ITGA9: variants seen among roughly 807,000 people sequenced by gnomAD.
ITGA9 encodes the protein integrin alpha-9.
In ITGA9, 56 loss-of-function variants were observed where a neutral mutation model predicts 127.8. The ratio of observed to expected loss-of-function variants is 0.44; its 90% confidence interval spans 0.35 to 0.55. The LOEUF (loss-of-function observed/expected upper bound fraction) is 0.55, where lower values mean the gene tolerates loss of function less well. Ranked by LOEUF, ITGA9 falls within the 20% of genes least tolerant of loss-of-function variation. The pLI, the probability that ITGA9 is intolerant of heterozygous loss-of-function variation, is 0.00. For missense variants in ITGA9, 1,196 were observed against 1,347.1 expected (o/e 0.89, Z 1.76); for synonymous variants, 508 against 514.5 (o/e 0.99, Z 0.17).
intron 26 of ITGA9, among the ~76,000 whole-genome samples, chr3:37,791,786 A>G (rs1192119774): frequency 2.0e-5 from 3 of 152,136 alleles, no homozygotes; most frequent in African/African-American, 7.2e-5. Flanking sequence ...CAAAGATGCA[A>G]GCCTGGTATC....
At chr3:37,565,654 A>G (rs1390680551) in intron 15 of ITGA9, among the ~76,000 whole-genome samples, 2 of 152,230 alleles carry the variant, frequency 1.3e-5, no homozygotes. Flanking sequence ...ACTTAATGCC[A>G]TAGAACTGGA....
chr3:37,560,984 G>A (rs940155257), intron 15 of ITGA9, among the ~76,000 whole-genome samples: 24 of 152,036 alleles, frequency 1.6e-4, no homozygotes, highest in African/African-American at 5.3e-4. Context: ...ATATCTCTGG[G>A]GTTTCTGTGT....
chr3:37,535,436 G>A lies in ITGA9; in HGVS notation c.1528+1968G>A, dbSNP rs79307170. Among the ~76,000 whole-genome samples, 654 of 152,264 alleles carry A rather than the reference G, an allele frequency of 4.3e-3. 8 individuals carry two copies. Among genetic ancestry groups the A allele is most frequent in the African/African-American group, 0.015 (629 of 41,534 alleles). On this transcript the variant is annotated intron_variant, in intron 14 of 27. Transcript: ENST00000264741. ...GTGGGTGCCTCCTCATGCTGTTCCC[G>A]ACCAGTGGCTCTTTCTGGGGCCCCA...
chr3:37,615,620 A>G (rs1396305263), intron 15 of ITGA9, among the ~76,000 whole-genome samples: 1 of 152,222 alleles, frequency 6.6e-6, no homozygotes, highest in Non-Finnish European at 1.5e-5. Flanking sequence ...TTGGTAAGCT[A>G]TTAATTGTTG....
chr3:37,820,840 T>C lies in ITGA9; in HGVS notation c.*1851T>C, dbSNP rs375423048. On this transcript the variant is annotated 3_prime_UTR_variant, in exon 28 of 28. Coordinates refer to ENST00000264741, the MANE Select transcript of ITGA9 (RefSeq NM_002207.3). ...AACAATCTATAAAACCAAGGGTCTTTCTTATAGCACCTTTTTTACTGGAAG... is the reference window on the plus strand; with the variant it reads ...AACAATCTATAAAACCAAGGGTCTTCCTTATAGCACCTTTTTTACTGGAAG... The C allele has an allele frequency of 1.1e-4, 16 of 152,326 alleles. No homozygotes were observed. Among genetic ancestry groups the C allele is most frequent in the Admixed American group, 8.5e-4 (13 of 15,310 alleles). The allele number at this position is 152,326 out of a possible 1,614,324, so 9.4% of individuals were successfully genotyped here. A position where few individuals can be genotyped will look rare whatever the true frequency, so the allele number is the denominator to read the frequency against.
intron 18 of ITGA9, among the ~76,000 whole-genome samples, chr3:37,710,200 A>G (rs926175813): frequency 5.9e-5 from 9 of 152,188 alleles, no homozygotes; most frequent in African/African-American, 2.2e-4. Context: ...TGTTATTCCC[A>G]TCTTACAGGG....
chr3:37,565,030 T>C (rs1333813990), intron 15 of ITGA9, among the ~76,000 whole-genome samples: 1 of 152,190 alleles, frequency 6.6e-6, no homozygotes, highest in East Asian at 1.9e-4. Flanking sequence ...GGCTCTCCTG[T>C]AGTGAGGGAG....
At chr3:37,475,569 G>C (rs907328238) in intron 3 of ITGA9, among the ~76,000 whole-genome samples, 1 of 152,228 alleles carries the variant, frequency 6.6e-6, no homozygotes, top group Admixed American at 6.5e-5. Context: ...GCCATGGATA[G>C]TCCTGTCTAA....
chr3:37,755,609 C>T (rs1696643596), intron 23 of ITGA9, among the ~76,000 whole-genome samples: 1 of 151,956 alleles, frequency 6.6e-6, no homozygotes, highest in African/African-American at 2.4e-5. Context: ...CAATATAAGC[C>T]ATAGAGTAGA....
chr3:37,515,764 G>T (rs542227369), intron 9 of ITGA9, among the ~76,000 whole-genome samples: 1 of 152,128 alleles, frequency 6.6e-6, no homozygotes, highest in African/African-American at 2.4e-5. Context: ...AACAAGCAAG[G>T]TGCAGTGGTG....
At chr3:37,804,924 C>T (rs1697278042) in intron 27 of ITGA9, among the ~76,000 whole-genome samples, 1 of 152,178 alleles carries the variant, frequency 6.6e-6, no homozygotes, top group African/African-American at 2.4e-5. Context: ...CTCATTTTGA[C>T]CTTTTTCTCT....
At chr3:37,758,129 C>T (rs1159510465) in intron 23 of ITGA9, among the ~76,000 whole-genome samples, 2 of 150,440 alleles carry the variant, frequency 1.3e-5, no homozygotes, top group Non-Finnish European at 2.9e-5. Context: ...CGAGACCATC[C>T]TGGCTAACAA....
At chr3:37,569,210 C>T (rs1699577863) in intron 15 of ITGA9, among the ~76,000 whole-genome samples, 1 of 152,190 alleles carries the variant, frequency 6.6e-6, no homozygotes, top group African/African-American at 2.4e-5. Flanking sequence ...AGAGAGAGAA[C>T]TTGTGCTGGG....
chr3:37,569,407 G>A (rs1699579593), intron 15 of ITGA9, among the ~76,000 whole-genome samples: 1 of 152,220 alleles, frequency 6.6e-6, no homozygotes. Context: ...TATCATGGGG[G>A]TAGAGTTGAG....
chr3:37,650,376 A>C (rs1700417868), intron 16 of ITGA9, among the ~76,000 whole-genome samples: 1 of 152,158 alleles, frequency 6.6e-6, no homozygotes, highest in Non-Finnish European at 1.5e-5. Flanking sequence ...ATTTACCTGC[A>C]CAGAGGTAAA....
At chr3:37,585,574 C>A (rs375430743) in intron 15 of ITGA9, 200 of 508,384 alleles carry the variant, frequency 3.9e-4, no homozygotes, top group African/African-American at 3.4e-3. Flanking sequence ...TTTTCTCTAG[C>A]AATTATGGGG....
chr3:37,481,516 T>C lies in ITGA9; in HGVS notation c.453T>C (p.Tyr151=). 1 of 1,614,218 alleles carries C rather than the reference T, an allele frequency of 6.2e-7. No homozygotes were observed. The highest frequency in any genetic ancestry group is 1.1e-5 in the South Asian group (1 of 91,084). Residue 151 remains tyrosine (Y), a synonymous_variant, in exon 4 of 28, where the codon TAT becomes TAC. Coordinates refer to ENST00000264741, the MANE Select transcript of ITGA9 (RefSeq NM_002207.3). ...ACAHRWKNIY[Y]EADHILPHGF... ...CTCATCGCTGGAAGAACATCTACTA[T>C]GAAGCCGACCACATCCTACCCCATG... is the stretch of plus-strand genomic sequence containing the variant.
At chr3:37,623,892 G>C (rs935872722) in intron 15 of ITGA9, among the ~76,000 whole-genome samples, 9 of 152,102 alleles carry the variant, frequency 5.9e-5, no homozygotes, top group Admixed American at 2.6e-4. Context: ...AAAGGAAAAG[G>C]CATCCCACTT....
intron 20 of ITGA9, among the ~76,000 whole-genome samples, chr3:37,738,217 T>C (rs777264754): frequency 2.0e-5 from 3 of 152,212 alleles, no homozygotes; most frequent in Non-Finnish European, 4.4e-5. Context: ...ATGCAAAGCA[T>C]AGATAGGGTA....
Sources: allele counts gnomAD v4.1 joint callset (sites outside exome capture counted in the v4.1 genomes callset), GRCh38; gene constraint gnomAD v4.1.1; transcripts MANE v1.5; gene names NCBI Gene and HGNC (gene_info 2026-07-23, HGNC 2026-07-21).